PIK3C2G: variants seen among roughly 807,000 people sequenced by gnomAD.
PIK3C2G encodes phosphatidylinositol-4-phosphate 3-kinase catalytic subunit type 2 gamma.
Under a neutral mutation model 181.1 loss-of-function variants are expected in PIK3C2G, and 168 were observed. The ratio of observed to expected loss-of-function variants is 0.93; its 90% CI spans 0.82 to 1.05. The LOEUF is 1.05. Among genes scored for constraint, PIK3C2G ranks in the 50% least tolerant of loss-of-function variants. The pLI is 0.00. For missense variants in PIK3C2G, 1,869 were observed against 1,732.8 expected (o/e 1.08, Z -1.40); for synonymous variants, 573 against 592.2 (o/e 0.97, Z 0.47).
chr12:18,564,706 A>G (rs1945528671), intron 28 of PIK3C2G, among the ~76,000 whole-genome samples: 1 of 152,146 alleles, frequency 6.6e-6, no homozygotes, highest in Non-Finnish European at 1.5e-5. Context: ...TAGAATTATC[A>G]CAAAATCTGA....
chr12:18,724,298 A>C, the PIK3C2G span, among the ~76,000 whole-genome samples: 28 of 152,254 alleles, frequency 1.8e-4, no homozygotes, highest in African/African-American at 6.5e-4. Flanking sequence ...AAGAATTCAG[A>C]AGAATTCGAC....
chr12:18,712,456 G>A, the PIK3C2G span, among the ~76,000 whole-genome samples: 1 of 152,090 alleles, frequency 6.6e-6, no homozygotes, highest in African/African-American at 2.4e-5. Flanking sequence ...CAATTGAAAT[G>A]ATGCATTGTT....
chr12:18,497,405 T>C (rs532658539), intron 21 of PIK3C2G, among the ~76,000 whole-genome samples: 112 of 152,310 alleles, frequency 7.4e-4, no homozygotes, highest in African/African-American at 2.6e-3. Flanking sequence ...AATTTGATGG[T>C]TGAAGCTTCT....
intron 18 of PIK3C2G, among the ~76,000 whole-genome samples, chr12:18,485,863 AAG>A (rs1322212802): frequency 6.6e-6 from 1 of 152,146 alleles, no homozygotes; most frequent in Non-Finnish European, 1.5e-5. Flanking sequence ...TAAACCTTAA[AAG>A]AGAGTGGCCA....
chr12:18,278,136 A>C (rs11043997), intron 1 of PIK3C2G, among the ~76,000 whole-genome samples: 56,130 of 151,994 alleles, frequency 0.37, 10,507 homozygotes, highest in Non-Finnish European at 0.41. Context: ...ATTATCACAA[A>C]CTTTGTTGCT....
the PIK3C2G span, chr12:18,701,394 T>C: frequency 1.6e-5 from 25 of 1,561,878 alleles, no homozygotes; most frequent in Non-Finnish European, 2.1e-5. Flanking sequence ...ACTAGAGTTT[T>C]TATAAGAAGG....
chr12:18,485,901 G>A (rs1163276675), intron 18 of PIK3C2G, among the ~76,000 whole-genome samples: 1 of 152,096 alleles, frequency 6.6e-6, no homozygotes, highest in Non-Finnish European at 1.5e-5. Context: ...CTTATAGACA[G>A]AGGCAATGGA....
chr12:18,505,326 G>T lies in PIK3C2G; in HGVS notation c.3188G>T (p.Trp1063Leu). ...LRNFFYSCAG[W>L]CVVTFILGVC... ...AACTTTTTCTACTCCTGTGCTGGCT[G>T]GTGTGTGGTAACATTCATCCTGGGA... The change falls in exon 24 of 33, where the codon TGG (tryptophan) becomes TTG (leucine). Residue 1063 changes from tryptophan to leucine, a missense_variant. By Grantham distance (61) the Trp-to-Leu change is moderately conservative (BLOSUM62 -2). Coordinates refer to ENST00000538779, the MANE Select transcript of PIK3C2G (RefSeq NM_001288772.2). 1 of 1,611,324 alleles carries T rather than the reference G, an allele frequency of 6.2e-7. No individual in the cohort carries two copies. Among genetic ancestry groups the T allele is most frequent in the Non-Finnish European group, 8.5e-7 (1 of 1,178,412 alleles).
chr12:18,470,862 ATAT>A (rs1460420339), intron 18 of PIK3C2G, among the ~76,000 whole-genome samples: 5 of 152,310 alleles, frequency 3.3e-5, no homozygotes, highest in Non-Finnish European at 7.3e-5. Context: ...TCAAAATTAA[ATAT>A]TATAACGTTT....
At chr12:18,589,590 G>C (rs1181093169) in intron 29 of PIK3C2G, among the ~76,000 whole-genome samples, 2 of 151,920 alleles carry the variant, frequency 1.3e-5, no homozygotes, top group African/African-American at 2.4e-5. Flanking sequence ...GAAAAATAGA[G>C]GTTAGAGGAG....
chr12:18,386,368 C>T (rs547852263), intron 14 of PIK3C2G, among the ~76,000 whole-genome samples: 33 of 152,280 alleles, frequency 2.2e-4, no homozygotes, highest in African/African-American at 6.0e-4. Flanking sequence ...CAGATATGTG[C>T]GACTATCACT....
chr12:18,619,432 A>G (rs930939873), intron 31 of PIK3C2G, among the ~76,000 whole-genome samples: 5 of 152,162 alleles, frequency 3.3e-5, no homozygotes, highest in African/African-American at 1.2e-4. Flanking sequence ...TTTTAATCTC[A>G]TTCTAATTTC....
chr12:18,498,149 T>A (rs568619772), intron 22 of PIK3C2G, among the ~76,000 whole-genome samples: 22 of 152,298 alleles, frequency 1.4e-4, no homozygotes, highest in African/African-American at 5.0e-4. Context: ...GTTCTGGAAA[T>A]CCTAAACACA....
chr12:18,384,290 G>A (rs1259747355), intron 14 of PIK3C2G, among the ~76,000 whole-genome samples: 2 of 152,216 alleles, frequency 1.3e-5, no homozygotes, highest in East Asian at 3.9e-4. Context: ...TTGAGTTCCT[G>A]AGTTCATAGC....
At chr12:18,338,610 A>C in intron 9 of PIK3C2G, 62 bp downstream of exon 9, 1 of 1,161,682 alleles carries the variant, frequency 8.6e-7, no homozygotes, top group South Asian at 1.4e-5. Flanking sequence ...AATTAAGGAG[A>C]GTGAAAGACT....
At chr12:18,613,031 A>T (rs1948421144) in intron 31 of PIK3C2G, among the ~76,000 whole-genome samples, 1 of 152,150 alleles carries the variant, frequency 6.6e-6, no homozygotes, top group South Asian at 2.1e-4. Flanking sequence ...ATTTCAGTTT[A>T]TATGACAAAG....
At chr12:18,643,615 G>A (rs1180486700) in intron 32 of PIK3C2G, among the ~76,000 whole-genome samples, 1 of 151,466 alleles carries the variant, frequency 6.6e-6, no homozygotes, top group African/African-American at 2.4e-5. Flanking sequence ...AAGCACACTA[G>A]ATGTTAACTC....
At position 18,594,468 on chromosome 12, in the gene PIK3C2G, A is replaced by C. The variant is rs896267345; in HGVS notation, c.4012-26A>C. On this transcript the variant is annotated intron_variant, in intron 29 of 32. Coordinates refer to ENST00000538779, the MANE Select transcript of PIK3C2G (RefSeq NM_001288772.2). ...AGTAACAAATATAAGAAATAAAGAA[A>C]TATTATGTTTCATTTTGTTTTTCAG... is the stretch of plus-strand genomic sequence containing the variant. 2.8e-6 allele frequency: 4 copies of C among 1,410,586 alleles called. No individual in the cohort carries two copies. In the African/African-American group the frequency reaches 4.4e-5, roughly 16 times the overall value. 87.4% of individuals were successfully genotyped at this position (1,410,586 alleles called of 1,614,324 possible).
rs973363495 is a variant in PIK3C2G, at chr12:18,475,595, A to G, written c.2505-12854A>G. Among the ~76,000 whole-genome samples the G allele has an allele frequency of 5.3e-5, 8 of 152,226 alleles. No individual in the cohort carries two copies. The East Asian group carries it at 1.2e-3, about 22-fold the overall frequency. ...ATGCAATTATTTTTAAACAGTAACA[A>G]TTCCACCAAATTTTTCCCCATGATC... On this transcript the variant is annotated intron_variant, in intron 18 of 32. Coordinates refer to ENST00000538779, the MANE Select transcript of PIK3C2G (RefSeq NM_001288772.2).
Sources: allele counts gnomAD v4.1 joint callset (sites outside exome capture counted in the v4.1 genomes callset), GRCh38; gene constraint gnomAD v4.1.1; transcripts MANE v1.5; gene names NCBI Gene and HGNC (gene_info 2026-07-23, HGNC 2026-07-21).